Variants in AASS observed in about 807,000 individuals in gnomAD.
AASS encodes the protein alpha-aminoadipic semialdehyde synthase, mitochondrial.
AASS carries 86 observed loss-of-function variants against 105.4 expected under a neutral mutation model. The observed-to-expected ratio is 0.82, with a 90% CI of 0.69 to 0.98. AASS has a LOEUF of 0.98. Ranked by LOEUF, AASS falls within the 50% of genes least tolerant of loss-of-function variation. The probability of loss-of-function intolerance (pLI) is 0.00; values close to 1 mark genes in which losing one functional copy is unlikely to be tolerated. For missense variants in AASS, 1,048 were observed against 1,143.2 expected, an observed-to-expected ratio of 0.92 and a Z score of 1.20; for synonymous variants, 381 against 394.8, an observed-to-expected ratio of 0.96 and a Z score of 0.41.
chr7:122,142,869 TG>T (rs1333781608), intron 1 of AASS, among the ~76,000 whole-genome samples: 2 of 152,136 alleles, frequency 1.3e-5, no homozygotes, highest in Non-Finnish European at 2.9e-5. Context: ...AAACGACTAG[TG>T]AGAAAAAAAA....
At chr7:122,111,093 T>C (rs753393607) in intron 11 of AASS, among the ~76,000 whole-genome samples, 24 of 152,218 alleles carry the variant, frequency 1.6e-4, no homozygotes, top group Non-Finnish European at 2.4e-4. Flanking sequence ...TATGACCAAT[T>C]CTCAAAGGAA....
chr7:122,117,050 C>T (rs1795216640), intron 6 of AASS, 93 bp from the exon 7 acceptor site: 1 of 1,149,224 alleles, frequency 8.7e-7, no homozygotes, highest in South Asian at 1.2e-5. Context: ...CCAACAATTA[C>T]ATAGCTCCAC....
chr7:122,077,561 A>G (rs979932767), intron 23 of AASS, among the ~76,000 whole-genome samples: 4 of 152,170 alleles, frequency 2.6e-5, no homozygotes, highest in Non-Finnish European at 4.4e-5. Flanking sequence ...CACTTTAAAT[A>G]TGAGGAAACT....
chr7:122,126,500 C>T, intron 3 of AASS, 41 bp from the exon 4 acceptor site: 2 of 1,531,050 alleles, frequency 1.3e-6, no homozygotes, highest in East Asian at 4.5e-5. Flanking sequence ...ACCCATTAAG[C>T]TTAATTTTAA....
intron 19 of AASS, 144 bp downstream of exon 19, chr7:122,085,868 A>T: frequency 2.2e-6 from 2 of 918,478 alleles, no homozygotes; most frequent in Non-Finnish European, 3.4e-6. Flanking sequence ...CTCCTAAAAT[A>T]TTCAATCAAT....
chr7:122,103,051 A>G lies in AASS; in HGVS notation c.1279-1371T>C, dbSNP rs530001877. On this transcript the variant is annotated intron_variant, in intron 11 of 23. Coordinates refer to ENST00000417368, the MANE Select transcript of AASS (RefSeq NM_005763.4). ...ATGTAAAACTTTAAAATTAGTGAAT[A>G]TAAGTTTTTGATAAATGAAAAATAA... is the stretch of plus-strand genomic sequence containing the variant. 6.5e-4 allele frequency among the ~76,000 whole-genome samples: 99 copies of G among 152,190 alleles called. 1 individual carries two copies. The highest frequency in any genetic ancestry group is 2.3e-3 in the African/African-American group (94 of 41,562).
chr7:122,119,846 G>T (rs1795359202), intron 4 of AASS, among the ~76,000 whole-genome samples: 1 of 152,046 alleles, frequency 6.6e-6, no homozygotes, highest in Non-Finnish European at 1.5e-5. Context: ...TATGCAGGGG[G>T]TTCGTTCTAA....
chr7:122,102,907 G>GA (rs1484800418), intron 11 of AASS, among the ~76,000 whole-genome samples: 1 of 150,804 alleles, frequency 6.6e-6, no homozygotes, highest in Admixed American at 6.6e-5. Context: ...AAAAACCAAG[G>GA]AAAAAAACAG....
At chr7:122,123,465 G>T (rs1233535930) in intron 4 of AASS, among the ~76,000 whole-genome samples, 3 of 152,166 alleles carry the variant, frequency 2.0e-5, no homozygotes, top group Admixed American at 2.0e-4. Flanking sequence ...AATTTTTCTA[G>T]TTGGTTAATG....
At chr7:122,121,220 C>T (rs1216299326) in intron 4 of AASS, among the ~76,000 whole-genome samples, 1 of 151,882 alleles carries the variant, frequency 6.6e-6, no homozygotes, top group Non-Finnish European at 1.5e-5. Context: ...TTATTATAGT[C>T]AACTATCAAG....
At position 122,144,220 on chromosome 7, in the gene AASS, A is replaced by G. The variant is rs1481080902; in HGVS notation, c.-75T>C. On this transcript the variant is annotated 5_prime_UTR_variant, in exon 1 of 24. Coordinates refer to ENST00000417368, the MANE Select transcript of AASS (RefSeq NM_005763.4). The stretch of plus-strand genomic sequence containing the variant: ...CGCCTCGAATCTTCCGAGTCGCTGC[A>G]GGGGAGGCTCCGAATTCCTAGAAGA... 6.6e-6 allele frequency: 1 copy of G among 152,446 alleles called. No individual in the cohort carries two copies. The highest frequency in any genetic ancestry group is 1.5e-5 in the Non-Finnish European group (1 of 68,212). The allele number at this position is 152,446 out of a possible 1,614,324, so 9.4% of individuals were successfully genotyped here. A position where few individuals can be genotyped will look rare whatever the true frequency, so the allele number is the denominator to read the frequency against.
At chr7:122,113,750 G>A (rs1795040319) in intron 9 of AASS, 30 bp from the exon 10 acceptor site, 1 of 1,609,114 alleles carries the variant, frequency 6.2e-7, no homozygotes, top group Middle Eastern at 1.7e-4. Flanking sequence ...TTAGATGAGA[G>A]GATGAAATTC....
At chr7:122,100,082 A>G (rs925269361) in intron 13 of AASS, among the ~76,000 whole-genome samples, 4 of 151,912 alleles carry the variant, frequency 2.6e-5, no homozygotes, top group African/African-American at 7.2e-5. Flanking sequence ...TGAAAAGAAG[A>G]GAAGAATAAG....
intron 1 of AASS, 166 bp from the exon 2 acceptor site, chr7:122,133,907 C>G (rs1287068099): frequency 3.0e-6 from 2 of 659,294 alleles, no homozygotes; most frequent in South Asian, 3.7e-5. Context: ...TCCTTTAAAG[C>G]CAAGTTTTCA....
At chr7:122,114,850 T>C (rs1053200838) in intron 9 of AASS, among the ~76,000 whole-genome samples, 2 of 151,900 alleles carry the variant, frequency 1.3e-5, no homozygotes, top group African/African-American at 2.4e-5. Context: ...TAGACCAGCC[T>C]GGGAAACATA....
chr7:122,121,894 C>A (rs1795455579), intron 4 of AASS, among the ~76,000 whole-genome samples: 1 of 151,928 alleles, frequency 6.6e-6, no homozygotes, highest in African/African-American at 2.4e-5. Flanking sequence ...AGAAAGATGT[C>A]CAGAAAGATA....
chr7:122,093,081 T>G lies in AASS; in HGVS notation c.1733A>C (p.Tyr578Ser). ...TNKVNMVTAS[Y>S]ITPALKELEK... Reference sequence around the variant, plus strand: ...CAATTCTTTTAGTGCTGGTGTGATGTAGCTTGCAGTGACCATGTTAACTTT... The same window carrying G: ...CAATTCTTTTAGTGCTGGTGTGATGGAGCTTGCAGTGACCATGTTAACTTT... The change falls in exon 16 of 24, where the codon TAC (tyrosine) becomes TCC (serine). Residue 578 changes from tyrosine (Y) to serine (S), a missense_variant. Transcript: ENST00000417368. The G allele has an allele frequency of 1.2e-6, 2 of 1,614,008 alleles. No homozygotes were observed. Among genetic ancestry groups the G allele is most frequent in the Non-Finnish European group, 1.7e-6 (2 of 1,179,894 alleles).
rs1793896699 is a variant in AASS, at chr7:122,091,519, G to T, written c.2016+184C>A. Among the ~76,000 whole-genome samples the T allele has an allele frequency of 1.3e-5, 2 of 152,166 alleles. 1 individual carries two copies. Among genetic ancestry groups the T allele is most frequent in the Admixed American group, 1.3e-4 (2 of 15,262 alleles). On this transcript the variant is annotated intron_variant, in intron 18 of 23. Transcript: ENST00000417368. The stretch of plus-strand genomic sequence containing the variant: ...AGGGCAAAGAATAGGCACAGGCTTT[G>T]CTAGGAACAGCAAGGATACCGTGCT...
intron 9 of AASS, among the ~76,000 whole-genome samples, chr7:122,114,664 T>G (rs1002256716): frequency 6.6e-6 from 1 of 151,696 alleles, no homozygotes; most frequent in African/African-American, 2.4e-5. Context: ...GAGATGAGAA[T>G]GGAGAAACAA....
Sources: gnomAD v4.1 joint callset for allele counts (sites outside exome capture counted in the v4.1 genomes callset) on GRCh38, gnomAD v4.1.1 for gene constraint, MANE v1.5 for transcripts, NCBI Gene and HGNC (gene_info 2026-07-23, HGNC 2026-07-21) for gene names.